Variants in CNOT1 observed in about 807,000 individuals in gnomAD.
The protein encoded by CNOT1 is CCR4-NOT transcription complex subunit 1, also known as CCR4-associated factor 1.
Under a neutral mutation model 273.8 loss-of-function variants are expected in CNOT1, and 15 were observed. The observed-to-expected ratio is 0.05, with a 90% CI of 0.04 to 0.08. The LOEUF is 0.08. CNOT1 is among the 10% of genes least tolerant of loss of function. The probability of loss-of-function intolerance (pLI) is 1.00; values close to 1 mark genes in which losing one functional copy is unlikely to be tolerated. For synonymous variants in CNOT1, 1,022 were observed against 1,005.5 expected, an observed-to-expected ratio of 1.02 and a Z score of -0.31; for missense variants, 1,644 against 2,912.2, an observed-to-expected ratio of 0.56 and a Z score of 10.02.
intron 21 of CNOT1, among the ~76,000 whole-genome samples, chr16:58,554,272 C>T (rs1351273145): frequency 1.3e-5 from 2 of 151,302 alleles, no homozygotes; most frequent in Non-Finnish European, 2.9e-5. Flanking sequence ...ATTTGTATGA[C>T]TCTGTGTAAA....
intron 2 of CNOT1, among the ~76,000 whole-genome samples, chr16:58,596,656 G>A (rs1045907214): frequency 6.6e-6 from 1 of 151,906 alleles, no homozygotes; most frequent in Non-Finnish European, 1.5e-5. Flanking sequence ...GGGAGGCCAA[G>A]GCGGGCGGAT....
intron 1 of CNOT1, among the ~76,000 whole-genome samples, chr16:58,622,950 C>G (rs2043407145): frequency 6.6e-6 from 1 of 151,946 alleles, no homozygotes; most frequent in Non-Finnish European, 1.5e-5. Context: ...GAAATCCCAG[C>G]ACTTAGGGAG....
intron 1 of CNOT1, among the ~76,000 whole-genome samples, chr16:58,625,922 C>T (rs1269871990): frequency 6.7e-6 from 1 of 148,256 alleles, no homozygotes; most frequent in African/African-American, 2.5e-5. Flanking sequence ...CCCCTTTTAA[C>T]TTTCAAAGAT....
At position 58,526,290 on chromosome 16, in the gene CNOT1, T is replaced by C. The variant is rs563204032; in HGVS notation, c.6454-152A>G. On this transcript the variant is annotated intron_variant, in intron 44 of 48. Coordinates refer to ENST00000317147, the MANE Select transcript of CNOT1 (RefSeq NM_016284.5). Reference sequence around the variant, plus strand: ...GCCACATTTTATTAATCAGTCTTTCTTTCTTTAGAAGAATCTTGGTTCAAA... The same window carrying C: ...GCCACATTTTATTAATCAGTCTTTCCTTCTTTAGAAGAATCTTGGTTCAAA... 36 of 746,500 alleles carry C rather than the reference T, an allele frequency of 4.8e-5. No homozygotes were observed. The African/African-American group carries it at 5.7e-4, about 12-fold the overall frequency. 46.2% of individuals were successfully genotyped at this position (746,500 alleles called of 1,614,324 possible).
At chr16:58,621,910 CAAAAAAAAA>C (rs58087048) in intron 1 of CNOT1, among the ~76,000 whole-genome samples, 10 of 85,334 alleles carry the variant, frequency 1.2e-4, no homozygotes, top group Non-Finnish European at 1.3e-4. Context: ...GACTCCGTCT[CAAAAAAAAA>C]AAAAAAAAAA....
chr16:58,525,860 TAATC>T lies in CNOT1; in HGVS notation c.6603+125_6603+128del, dbSNP rs530962906. ...AACTAGTAAAATACGTAAATCCAGT[TAATC>T]AACCTCACCCAATTGATGGAAATGA... On this transcript the variant is annotated intron_variant, in intron 45 of 48. Transcript: ENST00000317147. The T allele has an allele frequency of 2.5e-4, 192 of 780,594 alleles. No individual in the cohort carries two copies. In the African/African-American group the frequency reaches 3.0e-3, roughly 12 times the overall value. 48.4% of individuals were successfully genotyped at this position (780,594 alleles called of 1,614,324 possible).
chr16:58,574,642 G>A lies in CNOT1; in HGVS notation c.1946C>T (p.Ala649Val), dbSNP rs1203573438. ...KSAQLPPETL[A>V]TMLACLQACA... ...AGCTTGCAGACAGGCCAACATTGTC[G>A]CCAAAGTTTCTGGAGGAAGTTGAGC... is the stretch of plus-strand genomic sequence containing the variant. The change falls in exon 16 of 49, where the codon GCG (alanine) becomes GTG (valine). Residue 649 changes from alanine to valine, a missense_variant. Ala to Val is a moderately conservative substitution (Grantham distance 64). Around this residue, in one of 13 missense-constraint regions of CNOT1, gnomAD observed 706 missense variants for 1,021.2 expected, o/e 0.69. Coordinates refer to ENST00000317147, the MANE Select transcript of CNOT1 (RefSeq NM_016284.5). 1.2e-6 allele frequency: 2 copies of A among 1,600,600 alleles called. No homozygotes were observed. The highest frequency in any genetic ancestry group is 1.9e-5 in the Admixed American group (1 of 54,040).
intron 27 of CNOT1, 119 bp from the exon 28 acceptor site, chr16:58,546,868 A>C: frequency 7.8e-7 from 1 of 1,287,160 alleles, no homozygotes; most frequent in Non-Finnish European, 1.1e-6. Context: ...AAAACAAAAA[A>C]CAAGGATTAA....
chr16:58,541,098 A>AGGAG (rs2040079264), intron 34 of CNOT1, among the ~76,000 whole-genome samples: 1 of 152,122 alleles, frequency 6.6e-6, no homozygotes, highest in Non-Finnish European at 1.5e-5. Context: ...CTAGCTCCTC[A>AGGAG]GGAGGCTGAG....
intron 1 of CNOT1, among the ~76,000 whole-genome samples, chr16:58,619,605 T>C (rs1198758872): frequency 6.6e-6 from 1 of 152,204 alleles, no homozygotes; most frequent in South Asian, 2.1e-4. Flanking sequence ...TTTGTATTTT[T>C]AGTAGAGACG....
intron 4 of CNOT1, 73 bp downstream of exon 4, chr16:58,587,707 G>T: frequency 1.4e-6 from 2 of 1,476,804 alleles, no homozygotes; most frequent in South Asian, 2.5e-5. Flanking sequence ...ATCACATTAT[G>T]AGATCAAGGC....
At chr16:58,541,736 A>G (rs2040100542) in intron 33 of CNOT1, 116 bp from the exon 34 acceptor site, 5 of 974,888 alleles carry the variant, frequency 5.1e-6, no homozygotes, top group South Asian at 4.7e-5. Context: ...ATTACAACAT[A>G]TAACAGCATG....
intron 16 of CNOT1, among the ~76,000 whole-genome samples, chr16:58,567,208 T>C (rs1033408475): frequency 5.9e-5 from 9 of 152,174 alleles, no homozygotes; most frequent in African/African-American, 1.9e-4. Flanking sequence ...AGGTGGCTTA[T>C]GCCTATAACC....
intron 16 of CNOT1, among the ~76,000 whole-genome samples, chr16:58,569,873 T>A (rs1486441691): frequency 6.6e-6 from 1 of 152,136 alleles, no homozygotes; most frequent in African/African-American, 2.4e-5. Flanking sequence ...AACATTAATC[T>A]AGACACCCAA....
intron 16 of CNOT1, among the ~76,000 whole-genome samples, chr16:58,572,837 G>A (rs1337950854): frequency 6.6e-6 from 1 of 151,542 alleles, no homozygotes; most frequent in Non-Finnish European, 1.5e-5. Context: ...GAGCCTGCAA[G>A]GCAGAGGTTG....
At chr16:58,593,194 G>T (rs1227865737) in intron 2 of CNOT1, among the ~76,000 whole-genome samples, 1 of 152,104 alleles carries the variant, frequency 6.6e-6, no homozygotes, top group African/African-American at 2.4e-5. Context: ...AGGCTGAGGA[G>T]GGCGGGATCT....
intron 13 of CNOT1, among the ~76,000 whole-genome samples, chr16:58,578,086 G>A (rs563378960): frequency 4.6e-5 from 7 of 152,154 alleles, no homozygotes; most frequent in Non-Finnish European, 1.0e-4. Flanking sequence ...CTGCCTCCAT[G>A]ATAGATGTTT....
intron 46 of CNOT1, among the ~76,000 whole-genome samples, chr16:58,524,833 G>A (rs1004880087): frequency 1.3e-5 from 2 of 152,036 alleles, no homozygotes; most frequent in Non-Finnish European, 2.9e-5. Context: ...TGCCAAACAC[G>A]CACCAATAAA....
intron 16 of CNOT1, among the ~76,000 whole-genome samples, chr16:58,572,637 T>TG (rs1417749328): frequency 6.6e-6 from 1 of 151,758 alleles, no homozygotes; most frequent in African/African-American, 2.4e-5. Context: ...CCAGGCGTGG[T>TG]GGCTCATGCC....
Sources: allele counts gnomAD v4.1 joint callset (sites outside exome capture counted in the v4.1 genomes callset), GRCh38; gene constraint gnomAD v4.1.1; regional missense constraint gnomAD v4.1.1; transcripts MANE v1.5; gene names NCBI Gene and HGNC (gene_info 2026-07-23, HGNC 2026-07-21).